Variants in PLEKHA2 observed in about 807,000 individuals in gnomAD.
PLEKHA2 encodes pleckstrin homology domain containing A2.
PLEKHA2 carries 28 observed loss-of-function variants against 53.2 expected under a neutral mutation model. The observed-to-expected ratio is 0.53, with a 90% CI of 0.39 to 0.72. PLEKHA2 has a LOEUF of 0.72. Ranked by LOEUF, PLEKHA2 falls within the 30% of genes least tolerant of loss-of-function variation. The probability of loss-of-function intolerance (pLI) is 0.00; values close to 1 mark genes in which losing one functional copy is unlikely to be tolerated. For synonymous variants in PLEKHA2, 193 were observed against 196.4 expected (o/e 0.98, Z 0.14); for missense variants, 426 against 537.9 (o/e 0.79, Z 2.06).
At chr8:38,946,047 T>C in intron 4 of PLEKHA2, 77 bp from the exon 5 acceptor site, 1 of 1,190,306 alleles carries the variant, frequency 8.4e-7, no homozygotes, top group Non-Finnish European at 1.2e-6. Context: ...TCAAACACCT[T>C]AGCTTTGTGG....
At chr8:38,950,193 C>G (rs140813905) in intron 5 of PLEKHA2, among the ~76,000 whole-genome samples, 179 of 152,070 alleles carry the variant, frequency 1.2e-3, no homozygotes, top group Non-Finnish European at 2.1e-3. Context: ...CCACACCTGG[C>G]TAATTTTTTT....
intron 11 of PLEKHA2, chr8:38,968,899 T>C: frequency 1.3e-5 from 2 of 149,036 alleles, no homozygotes; most frequent in Non-Finnish European, 2.8e-5. Flanking sequence ...ATGGAATTTC[T>C]TTTTTTTTTT....
intron 10 of PLEKHA2, among the ~76,000 whole-genome samples, chr8:38,960,643 C>G (rs1472112272): frequency 6.6e-6 from 1 of 152,196 alleles, no homozygotes; most frequent in Admixed American, 6.5e-5. Context: ...ACAGGATTCT[C>G]CTATCTGCTT....
At chr8:38,914,046 C>T (rs1454699835) in intron 1 of PLEKHA2, among the ~76,000 whole-genome samples, 1 of 152,140 alleles carries the variant, frequency 6.6e-6, no homozygotes, top group African/African-American at 2.4e-5. Flanking sequence ...TTTCTGAAAC[C>T]TCCTCTGTCC....
At chr8:38,915,268 A>G (rs1009983375) in intron 1 of PLEKHA2, among the ~76,000 whole-genome samples, 1 of 152,174 alleles carries the variant, frequency 6.6e-6, no homozygotes, top group East Asian at 1.9e-4. Context: ...CTGATTCCTC[A>G]TTCTTTCCAT....
intron 10 of PLEKHA2, among the ~76,000 whole-genome samples, chr8:38,964,453 G>A (rs1446953694): frequency 5.3e-5 from 8 of 152,040 alleles, no homozygotes; most frequent in Admixed American, 5.2e-4. Flanking sequence ...TAGGTTGTGC[G>A]CTTCCTATGA....
intron 1 of PLEKHA2, among the ~76,000 whole-genome samples, chr8:38,909,852 A>G (rs1470561195): frequency 1.3e-5 from 2 of 152,234 alleles, no homozygotes; most frequent in Non-Finnish European, 2.9e-5. Context: ...CACTTGTATC[A>G]TAAATACTTA....
chr8:38,932,674 C>T (rs1336005217), intron 2 of PLEKHA2, among the ~76,000 whole-genome samples: 1 of 152,202 alleles, frequency 6.6e-6, no homozygotes, highest in African/African-American at 2.4e-5. Flanking sequence ...CAGCTGTCAC[C>T]GTTCATCTTC....
Position 38,946,119 on chromosome 8 carries a change from T to C in PLEKHA2, c.248-5T>C. ...GTCTTCCCTTCTTTTCTGTGGCTTTTGTAGTTATCAATGCCCTGTCTCAGA... is the reference window on the plus strand; with the variant it reads ...GTCTTCCCTTCTTTTCTGTGGCTTTCGTAGTTATCAATGCCCTGTCTCAGA... On this transcript the variant is annotated splice_region_variant and splice_polypyrimidine_tract_variant and intron_variant, in intron 4 of 11. Transcript: ENST00000617275. The C allele has an allele frequency of 6.3e-7, 1 of 1,599,186 alleles. No homozygotes were observed. The highest frequency in any genetic ancestry group is 1.1e-5 in the South Asian group (1 of 88,648).
intron 2 of PLEKHA2, among the ~76,000 whole-genome samples, chr8:38,923,008 T>C (rs1233270001): frequency 1.3e-5 from 2 of 152,128 alleles, no homozygotes; most frequent in East Asian, 3.9e-4. Flanking sequence ...CGGTGAGGCC[T>C]TTGCCACCAG....
At chr8:38,905,271 A>G (rs1833852916) in intron 1 of PLEKHA2, among the ~76,000 whole-genome samples, 1 of 152,026 alleles carries the variant, frequency 6.6e-6, no homozygotes, top group African/African-American at 2.4e-5. Flanking sequence ...CAGCCTGGGG[A>G]ACATAGCGAG....
At position 38,969,645 on chromosome 8, in the gene PLEKHA2, G is replaced by A. The variant is rs760851419; in HGVS notation, c.1140G>A (p.Thr380=). 16 of 1,598,764 alleles carry A rather than the reference G, an allele frequency of 1.0e-5. No homozygotes were observed. The South Asian group carries it at 1.1e-4, about 11-fold the overall frequency. The change falls in exon 12 of 12, where the codon ACG becomes ACA. Residue 380 remains threonine (T), a synonymous_variant. Transcript: ENST00000617275. ...ACACTTCAGAGGACTCCTTGTTCAC[G>A]CCTCGTCCTGGGGAGGGCAGCGCTC... ...PGDTSEDSLF[T]PRPGEGSAPG...
intron 4 of PLEKHA2, 127 bp downstream of exon 4, chr8:38,943,964 C>T (rs200327444): frequency 9.6e-6 from 6 of 622,100 alleles, no homozygotes; most frequent in African/African-American, 5.7e-5. Context: ...ATCACAGTGA[C>T]GGTCCTGGAC....
At chr8:38,962,330 C>T (rs550034897) in intron 10 of PLEKHA2, among the ~76,000 whole-genome samples, 2 of 151,958 alleles carry the variant, frequency 1.3e-5, no homozygotes, top group African/African-American at 2.4e-5. Flanking sequence ...TCTCTAAAAA[C>T]AAGCAAAAGT....
chr8:38,912,465 A>G (rs181131406), intron 1 of PLEKHA2, among the ~76,000 whole-genome samples: 1 of 152,206 alleles, frequency 6.6e-6, no homozygotes, highest in African/African-American at 2.4e-5. Context: ...AGTACCAATT[A>G]CTACTGGCAC....
At chr8:38,915,314 C>T (rs1180129586) in intron 1 of PLEKHA2, among the ~76,000 whole-genome samples, 2 of 152,216 alleles carry the variant, frequency 1.3e-5, no homozygotes, top group East Asian at 3.8e-4. Context: ...CTCAGGCCAT[C>T]ATAAACAAGG....
intron 2 of PLEKHA2, among the ~76,000 whole-genome samples, chr8:38,934,184 G>C (rs1834449108): frequency 1.3e-5 from 2 of 152,012 alleles, no homozygotes; most frequent in African/African-American, 2.4e-5. Flanking sequence ...TGTTTTTATA[G>C]AGACGGCGTT....
At chr8:38,962,590 A>G (rs73674666) in intron 10 of PLEKHA2, among the ~76,000 whole-genome samples, 3,934 of 152,314 alleles carry the variant, frequency 0.026, 189 homozygotes, top group African/African-American at 0.09. Context: ...GTTCTGGGCA[A>G]AAGTTCAAAA....
rs577360315 is a variant in PLEKHA2, at chr8:38,937,797, A to G, written c.198+1747A>G. 7.2e-5 allele frequency among the ~76,000 whole-genome samples: 11 copies of G among 152,162 alleles called. No homozygotes were observed. The East Asian group carries it at 2.1e-3, about 29-fold the overall frequency. On this transcript the variant is annotated intron_variant, in intron 3 of 11. Transcript: ENST00000617275. ...TGACATTTAGCCTCAGAGGCGCTGG[A>G]CTCCAGCTCAGCATTCCAGGTCATT... is the stretch of plus-strand genomic sequence containing the variant.
Sources: gnomAD v4.1 joint callset for allele counts (sites outside exome capture counted in the v4.1 genomes callset) on GRCh38, gnomAD v4.1.1 for gene constraint, MANE v1.5 for transcripts, NCBI Gene and HGNC (gene_info 2026-07-23, HGNC 2026-07-21) for gene names.